The following RBFOX1 variants were observed in gnomAD, a reference collection of about 807,000 sequenced individuals.
RBFOX1 encodes the protein RNA binding fox-1 homolog 1.
A neutral mutation model predicts 57.7 loss-of-function variants in RBFOX1; 8 were observed. The ratio of observed to expected loss-of-function variants is 0.14; its 90% CI spans 0.08 to 0.25. The LOEUF (loss-of-function observed/expected upper bound fraction) is 0.25. Ranked by LOEUF, RBFOX1 falls within the 10% of genes least tolerant of loss-of-function variation. The pLI is 1.00. For missense variants in RBFOX1, 611 were observed against 548.5 expected (o/e 1.11, Z -1.14); for synonymous variants, 326 against 222.4 (o/e 1.47, Z -4.15).
chr16:7,278,653 T>G (rs1035736637), intron 4 of RBFOX1, among the ~76,000 whole-genome samples: 8 of 152,360 alleles, frequency 5.3e-5, no homozygotes, highest in Admixed American at 3.3e-4. Flanking sequence ...AGTCTGCAAT[T>G]CATATCAAAA....
chr16:6,634,367 A>T (rs1318149343), intron 2 of RBFOX1, among the ~76,000 whole-genome samples: 1 of 151,992 alleles, frequency 6.6e-6, no homozygotes. Flanking sequence ...CAGCTCTGTG[A>T]CCTTGGGCAA....
chr16:5,907,281 C>T (rs535484309), intron 4 of RBFOX1, among the ~76,000 whole-genome samples: 4 of 152,092 alleles, frequency 2.6e-5, no homozygotes, highest in East Asian at 1.9e-4. Flanking sequence ...CATCCTGCCT[C>T]ATCCTCTGTG....
chr16:6,651,944 C>G (rs1021158050), intron 2 of RBFOX1, among the ~76,000 whole-genome samples: 5 of 152,160 alleles, frequency 3.3e-5, no homozygotes, highest in African/African-American at 1.2e-4. Flanking sequence ...AGACATTATG[C>G]TAAGTGAAAT....
chr16:6,487,154 G>GTGTGTGTC (rs1555498861), intron 2 of RBFOX1, among the ~76,000 whole-genome samples: 10 of 97,126 alleles, frequency 1.0e-4, no homozygotes, highest in East Asian at 2.1e-4. Context: ...CTGTGTGTGT[G>GTGTGTGTC]TGTGTGTGTG....
intron 4 of RBFOX1, among the ~76,000 whole-genome samples, chr16:7,068,596 A>T (rs1026180079): frequency 6.6e-6 from 1 of 151,994 alleles, no homozygotes; most frequent in Non-Finnish European, 1.5e-5. Flanking sequence ...ATTATTATTT[A>T]TTATTTTGAG....
intron 4 of RBFOX1, among the ~76,000 whole-genome samples, chr16:7,345,437 G>C (rs865986960): frequency 6.6e-6 from 1 of 152,188 alleles, no homozygotes; most frequent in Admixed American, 6.5e-5. Context: ...ATGAATTTTG[G>C]TGGGGGCTTA....
chr16:5,260,446 G>C (rs1041668412), intron 1 of RBFOX1, among the ~76,000 whole-genome samples: 3 of 152,154 alleles, frequency 2.0e-5, no homozygotes, highest in African/African-American at 7.2e-5. Flanking sequence ...CAAATTGAAT[G>C]CTGTGTAAAT....
intron 4 of RBFOX1, among the ~76,000 whole-genome samples, chr16:7,312,259 A>G (rs537096790): frequency 1.3e-5 from 2 of 152,290 alleles, no homozygotes; most frequent in African/African-American, 4.8e-5. Flanking sequence ...GCACACTTGT[A>G]ATCCCAGCTA....
chr16:6,386,779 G>C (rs765202697), intron 2 of RBFOX1, among the ~76,000 whole-genome samples: 1 of 152,278 alleles, frequency 6.6e-6, no homozygotes, highest in South Asian at 2.1e-4. Flanking sequence ...GATTCTCTGG[G>C]GATCTACTAT....
chr16:5,883,422 T>G (rs183368388), intron 4 of RBFOX1, among the ~76,000 whole-genome samples: 3 of 152,278 alleles, frequency 2.0e-5, no homozygotes, highest in African/African-American at 7.2e-5. Context: ...CAAAGCTACT[T>G]GGTAACTGCC....
intron 4 of RBFOX1, among the ~76,000 whole-genome samples, chr16:7,105,813 G>T (rs1394813345): frequency 3.3e-5 from 5 of 151,834 alleles, no homozygotes; most frequent in African/African-American, 7.3e-5. Flanking sequence ...GATATCACAG[G>T]TTCTTTATCC....
intron 3 of RBFOX1, among the ~76,000 whole-genome samples, chr16:6,667,396 G>T (rs1037803899): frequency 3.9e-5 from 6 of 152,124 alleles, no homozygotes; most frequent in African/African-American, 1.4e-4. Context: ...AAGAGCTTCA[G>T]CTTAGGATTC....
At chr16:6,878,467 C>A (rs532882182) in intron 3 of RBFOX1, among the ~76,000 whole-genome samples, 1 of 152,300 alleles carries the variant, frequency 6.6e-6, no homozygotes, top group Admixed American at 6.5e-5. Context: ...CTGTCTCTTA[C>A]CACCAAATCC....
At chr16:5,939,091 G>T (rs966345675) in intron 4 of RBFOX1, among the ~76,000 whole-genome samples, 3 of 151,894 alleles carry the variant, frequency 2.0e-5, no homozygotes, top group African/African-American at 7.3e-5. Flanking sequence ...ACTGCGTGTC[G>T]TGGGGTTGGG....
rs559861888 is a variant in RBFOX1 at position 6,610,631 on chromosome 16, G to A, written c.-63-43972G>A. Reference sequence around the variant, plus strand: ...CGGTGTAAACTACTACACCCCACCCGATCAACATTATCCTGATTATACATT... The same window carrying A: ...CGGTGTAAACTACTACACCCCACCCAATCAACATTATCCTGATTATACATT... On this transcript the variant is annotated intron_variant, in intron 2 of 15. Coordinates refer to ENST00000550418, the MANE Select transcript of RBFOX1 (RefSeq NM_018723.4). Among the ~76,000 whole-genome samples, 359 of 152,156 alleles carry A rather than the reference G, an allele frequency of 2.4e-3. 4 individuals are homozygous for A. Among genetic ancestry groups the A allele is most frequent in the South Asian group, 0.02 (98 of 4,812 alleles).
intron 4 of RBFOX1, among the ~76,000 whole-genome samples, chr16:7,438,899 C>A (rs2098743510): frequency 6.6e-6 from 1 of 152,170 alleles, no homozygotes. Flanking sequence ...CATGAATCCC[C>A]CCCTTCAGCT....
chr16:6,758,979 G>A (rs1339905627), intron 3 of RBFOX1, among the ~76,000 whole-genome samples: 3 of 151,978 alleles, frequency 2.0e-5, no homozygotes, highest in East Asian at 1.9e-4. Context: ...AATGGATGTT[G>A]AACTTAAATC....
intron 3 of RBFOX1, among the ~76,000 whole-genome samples, chr16:5,623,009 A>G (rs2048244569): frequency 6.6e-6 from 1 of 152,218 alleles, no homozygotes; most frequent in East Asian, 1.9e-4. Flanking sequence ...ATATGCAAAT[A>G]CTATGCCGCT....
At chr16:7,445,429 G>T (rs1408616209) in intron 4 of RBFOX1, among the ~76,000 whole-genome samples, 1 of 152,092 alleles carries the variant, frequency 6.6e-6, no homozygotes, top group Admixed American at 6.5e-5. Flanking sequence ...CACAATATTT[G>T]CCCTGGATCT....
Sources: allele counts gnomAD v4.1 joint callset (sites outside exome capture counted in the v4.1 genomes callset), GRCh38; gene constraint gnomAD v4.1.1; transcripts MANE v1.5; gene names NCBI Gene and HGNC (gene_info 2026-07-23, HGNC 2026-07-21).